SLC2A11: variants seen among roughly 807,000 people sequenced by gnomAD.
SLC2A11 encodes the protein solute carrier family 2 member 11, also known as solute carrier family 2, facilitated glucose transporter member 11.
A neutral mutation model predicts 52.1 loss-of-function variants in SLC2A11; 43 were observed. That is an observed-to-expected ratio of 0.82 (90% confidence interval 0.65 to 1.06). The LOEUF is 1.06. Ranked by LOEUF, SLC2A11 falls within the 50% of genes least tolerant of loss-of-function variation. SLC2A11 has a pLI of 0.00. For missense variants in SLC2A11, 582 were observed against 654.2 expected (o/e 0.89, Z 1.20); for synonymous variants, 261 against 277.6 (o/e 0.94, Z 0.59).
Position 23,883,867 on chromosome 22 carries a change from C to T in SLC2A11, c.1089C>T (p.Cys363=), listed in dbSNP as rs896873179. 5 of 1,600,410 alleles carry T rather than the reference C, an allele frequency of 3.1e-6. No homozygotes were observed. The highest frequency in any genetic ancestry group is 3.6e-5 in the Admixed American group (2 of 55,486). The part of the protein sequence containing the change: ...CWGSIFTVAL[C]LQSSFPWTLY... ...GGAGCATCTTCACTGTGGCCCTGTGCCTGCAGGTAGCTGGGGTGGATGAGG... is the reference window on the plus strand; with the variant it reads ...GGAGCATCTTCACTGTGGCCCTGTGTCTGCAGGTAGCTGGGGTGGATGAGG... The change falls in exon 9 of 12, where the codon TGC becomes TGT. Residue 363 remains cysteine, a synonymous_variant. Coordinates refer to ENST00000316185, the MANE Select transcript of SLC2A11 (RefSeq NM_001024939.4).
At chr22:23,880,873 C>A (rs1405854415) in intron 6 of SLC2A11, 1 of 152,168 alleles carries the variant, frequency 6.6e-6, no homozygotes, top group Non-Finnish European at 1.5e-5. Context: ...CATCTAACAG[C>A]AACCAGTTCA....
chr22:23,866,086 T>C lies in SLC2A11; in HGVS notation c.130-2395T>C, dbSNP rs1336944416. The C allele has an allele frequency of 2.7e-5, 4 of 150,690 alleles. No individual in the cohort carries two copies. In the Admixed American group the frequency reaches 2.7e-4, roughly 10 times the overall value. 9.3% of individuals were successfully genotyped at this position (150,690 alleles called of 1,614,324 possible). The stretch of plus-strand genomic sequence containing the variant: ...TGTGAGGCTGAGGTTGGAGGATGGC[T>C]CGAGCCCAGGAGTTCGAGGCTACAG... On this transcript the variant is annotated intron_variant, in intron 2 of 11. Transcript: ENST00000316185.
chr22:23,857,886 CTG>C lies in SLC2A11; in HGVS notation c.-113_-112del, dbSNP rs2031909439. 1 of 1,556,816 alleles carries C rather than the reference CTG, an allele frequency of 6.4e-7. No individual in the cohort carries two copies. Among genetic ancestry groups the C allele is most frequent in the South Asian group, 1.2e-5 (1 of 84,424 alleles). The stretch of plus-strand genomic sequence containing the variant: ...GCGTGCGCTAGCGCCTCTTTCACCA[CTG>C]GGCGCTGCGCGCTGCCCTTCCCTCC... On this transcript the variant is annotated 5_prime_UTR_variant, in exon 1 of 12. Coordinates refer to ENST00000316185, the MANE Select transcript of SLC2A11 (RefSeq NM_001024939.4).
chr22:23,873,333 G>GCGCA (rs1313679729), intron 3 of SLC2A11: 2 of 149,310 alleles, frequency 1.3e-5, no homozygotes, highest in Non-Finnish European at 2.9e-5. Context: ...GTGTGTGCAC[G>GCGCA]CGTGTGTGTA....
chr22:23,875,225 C>T lies in SLC2A11; in HGVS notation c.399C>T (p.Leu133=), dbSNP rs775747841. ...SFEMIMLGRL[L]VGVNAGVSMN... ...AGATGATCATGCTGGGAAGACTGCT[C>T]GTGGGAGTCAATGCAGGTATGGGGT... The change falls in exon 4 of 12, where the codon CTC becomes CTT. Residue 133 remains leucine (L), a synonymous_variant. Coordinates refer to ENST00000316185, the MANE Select transcript of SLC2A11 (RefSeq NM_001024939.4). The T allele has an allele frequency of 1.2e-5, 18 of 1,502,268 alleles. 1 individual carries two copies. The highest frequency in any genetic ancestry group is 1.1e-4 in the South Asian group (8 of 75,488). 93.1% of individuals were successfully genotyped at this position (1,502,268 alleles called of 1,614,324 possible). A position where few individuals can be genotyped will look rare whatever the true frequency, so the allele number is the denominator to read the frequency against.
Position 23,884,244 on chromosome 22 carries a change from G to C in SLC2A11, c.1172-58G>C. On this transcript the variant is annotated intron_variant, in intron 10 of 11. Coordinates refer to ENST00000316185, the MANE Select transcript of SLC2A11 (RefSeq NM_001024939.4). The surrounding 1 kb of genome is among the most constrained non-coding windows in gnomAD (Gnocchi z 4.3). ...CACTCCCATGTCTGGGCTGGGGTCG[G>C]GGAGAGGCAGGCAGGGAACCCTGGC... The C allele has an allele frequency of 6.4e-7, 1 of 1,573,176 alleles. No homozygotes were observed. The highest frequency in any genetic ancestry group is 8.6e-7 in the Non-Finnish European group (1 of 1,158,850).
At chr22:23,875,316 T>C (rs1251032957) in intron 4 of SLC2A11, 75 bp downstream of exon 4, 1 of 1,299,626 alleles carries the variant, frequency 7.7e-7, no homozygotes, top group Non-Finnish European at 9.9e-7. Context: ...TTTTATTTCA[T>C]TTCTTCCTTC....
intron 6 of SLC2A11, chr22:23,880,358 C>G (rs916015287): frequency 1.3e-5 from 2 of 151,754 alleles, no homozygotes; most frequent in Non-Finnish European, 2.9e-5. Context: ...TCCAAACTGG[C>G]AGAGCTTTTG....
chr22:23,858,141 C>A, intron 1 of SLC2A11, 112 bp downstream of exon 1: 1 of 1,420,748 alleles, frequency 7.0e-7, no homozygotes, highest in Non-Finnish European at 9.7e-7. Context: ...GTCAAATGTT[C>A]AAAAATATCG....
Position 23,878,680 on chromosome 22 carries a change from C to T in SLC2A11, c.694+811C>T, listed in dbSNP as rs138798999. Among the ~76,000 whole-genome samples the T allele has an allele frequency of 1.3e-3, 203 of 152,278 alleles. 2 individuals carry two copies. Among genetic ancestry groups the T allele is most frequent in the African/African-American group, 4.5e-3 (189 of 41,548 alleles). Reference sequence around the variant, plus strand: ...CTGTGGATTTAAGGAGGGGTGAAGACCGGGGCCCATTAGTGTACTCTTCTC... The same window carrying T: ...CTGTGGATTTAAGGAGGGGTGAAGATCGGGGCCCATTAGTGTACTCTTCTC... On this transcript the variant is annotated intron_variant, in intron 6 of 11. Coordinates refer to ENST00000316185, the MANE Select transcript of SLC2A11 (RefSeq NM_001024939.4).
At chr22:23,867,883 A>G (rs1034874250) in intron 2 of SLC2A11, 7 of 378,010 alleles carry the variant, frequency 1.9e-5, no homozygotes, top group Non-Finnish European at 3.9e-5. Flanking sequence ...TGTATCCTTC[A>G]TAACAAACCA....
intron 3 of SLC2A11, 64 bp from the exon 4 acceptor site, chr22:23,875,053 C>T (rs780695259): frequency 1.4e-5 from 20 of 1,449,498 alleles, no homozygotes; most frequent in Admixed American, 2.5e-5. Flanking sequence ...AAGAGTGGTC[C>T]CCAGGGATGG....
chr22:23,862,654 G>A (rs1393262084), intron 2 of SLC2A11, among the ~76,000 whole-genome samples: 2 of 150,188 alleles, frequency 1.3e-5, no homozygotes, highest in African/African-American at 2.5e-5. Flanking sequence ...ATGGAGTTTC[G>A]CTCTTGTTGC....
chr22:23,867,563 G>A (rs1189529601), intron 2 of SLC2A11: 6 of 388,574 alleles, frequency 1.5e-5, no homozygotes, highest in South Asian at 3.9e-5. Context: ...CATCATACCT[G>A]CGCTTATGGT....
In SLC2A11 at chr22:23,884,384, G is replaced by A; in HGVS notation, c.1254G>A (p.Met418Ile). 1.2e-6 allele frequency: 2 copies of A among 1,614,052 alleles called. No individual in the cohort carries two copies. Among genetic ancestry groups the A allele is most frequent in the Non-Finnish European group, 1.7e-6 (2 of 1,180,012 alleles). The change falls in exon 11 of 12, where the codon ATG (methionine) becomes ATA (isoleucine). Residue 418 changes from methionine to isoleucine, a missense_variant. Met to Ile is a conservative substitution (Grantham distance 10). Transcript: ENST00000316185. This position sits in a 1 kb window ranked among gnomAD's most constrained non-coding sequence, Gnocchi z 4.3. ...PAACMVCGAL[M>I]WIMLILVGLG... ...CCTGCATGGTCTGCGGGGCGCTCAT[G>A]TGGATCATGCTCATCCTGGTCGGCC...
At chr22:23,862,232 C>T in intron 2 of SLC2A11, 30 bp downstream of exon 2, 1 of 1,601,162 alleles carries the variant, frequency 6.2e-7, no homozygotes, top group African/African-American at 1.3e-5. Flanking sequence ...GGAGACTGTC[C>T]CTGTCTGAGT....
chr22:23,868,881 C>A, intron 3 of SLC2A11: 2 of 496,646 alleles, frequency 4.0e-6, no homozygotes, highest in Non-Finnish European at 7.1e-6. Context: ...TCATGTCTGC[C>A]AACAAGTGCT....
Position 23,882,538 on chromosome 22 carries a change from C to T in SLC2A11, c.774C>T (p.Gly258=), listed in dbSNP as rs1010828251. 3.1e-6 allele frequency: 5 copies of T among 1,606,996 alleles called. No individual in the cohort carries two copies. In the Admixed American group the frequency reaches 6.7e-5, roughly 22 times the overall value. The change falls in exon 7 of 12, where the codon GGC becomes GGT. Residue 258 remains glycine, a synonymous_variant. Coordinates refer to ENST00000316185, the MANE Select transcript of SLC2A11 (RefSeq NM_001024939.4). ...AGGAGGAGCGCGCTGCCTGCCAGGG[C>T]TGCCGTGCCCGGCGCCCATGGGAGC... ...ELEEERAACQ[G]CRARRPWELF...
chr22:23,870,024 C>G (rs754017151), intron 3 of SLC2A11: 1 of 717,542 alleles, frequency 1.4e-6, no homozygotes, highest in South Asian at 1.5e-5. Context: ...CTCTAAATAC[C>G]GTTGCATTGG....
Sources: gnomAD v4.1 joint callset for allele counts (sites outside exome capture counted in the v4.1 genomes callset) on GRCh38, gnomAD v4.1.1 for gene constraint, Gnocchi (gnomAD v3.1) non-coding constraint, MANE v1.5 for transcripts, NCBI Gene and HGNC (gene_info 2026-07-23, HGNC 2026-07-21) for gene names.